The following SPAG8 variants were observed in gnomAD, a reference collection of about 807,000 sequenced individuals.
SPAG8 encodes sperm-associated antigen 8.
Under a neutral mutation model 45.3 loss-of-function variants are expected in SPAG8, and 36 were observed. The observed-to-expected ratio is 0.80, with a 90% CI of 0.61 to 1.05. SPAG8 has a LOEUF of 1.05. SPAG8 is among the 50% of genes least tolerant of loss of function. The pLI, the probability that SPAG8 is intolerant of heterozygous loss-of-function variation, is 0.00. For synonymous variants in SPAG8, 227 were observed against 232.6 expected, an observed-to-expected ratio of 0.98 and a Z score of 0.22; for missense variants, 573 against 609.2, an observed-to-expected ratio of 0.94 and a Z score of 0.63.
At chr9:35,808,134 G>T, downstream of SPAG8, 1 of 1,437,310 alleles carries the variant, frequency 7.0e-7, no homozygotes, top group South Asian at 1.1e-5. This position sits in a 1 kb window ranked among gnomAD's most constrained non-coding sequence, Gnocchi z 4.0. Context: ...CTGACAGTTT[G>T]GGCTGTCAGG....
Position 35,810,955 on chromosome 9 carries a change from A to C in SPAG8, c.967T>G (p.Ser323Ala), listed in dbSNP as rs750055138. ...TGGGTGGTGCTGGAGGGCATGGGTG[A>C]CTTTAGTTGCATAGTCAGCAGTCCC... ...HRGLLTMQLK[S>A]PMPSSTTQKD... Residue 323 changes from serine to alanine, a missense_variant, in exon 3 of 7, where the codon TCA (serine) becomes GCA (alanine). Transcript: ENST00000396638. The C allele has an allele frequency of 6.2e-7, 1 of 1,613,850 alleles. No homozygotes were observed. The highest frequency in any genetic ancestry group is 1.1e-5 in the South Asian group (1 of 91,044).
downstream of SPAG8, chr9:35,808,155 T>C (rs200049443): frequency 9.1e-5 from 146 of 1,596,592 alleles, no homozygotes; most frequent in Admixed American, 1.2e-4. This position sits in a 1 kb window ranked among gnomAD's most constrained non-coding sequence, Gnocchi z 4.0. Flanking sequence ...TCCATTTCAC[T>C]GGGCCTGCTT....
downstream of SPAG8, chr9:35,808,284 G>A (rs1828528535): frequency 6.2e-7 from 1 of 1,612,632 alleles, no homozygotes; most frequent in South Asian, 1.1e-5. The surrounding 1 kb of genome is among the most constrained non-coding windows in gnomAD (Gnocchi z 4.0). Context: ...TTCCGCAAAT[G>A]TTTACTGAGT....
downstream of SPAG8, chr9:35,807,948 T>C: frequency 1.8e-6 from 1 of 555,216 alleles, no homozygotes; most frequent in Non-Finnish European, 3.2e-6. Context: ...GTATGGAAAG[T>C]ACCTAACATT....
At position 35,811,528 on chromosome 9, in the gene SPAG8, G is replaced by A; in HGVS notation, c.518C>T (p.Ser173Phe). The A allele has an allele frequency of 4.4e-6, 7 of 1,606,122 alleles. No individual in the cohort carries two copies. Among genetic ancestry groups the A allele is most frequent in the Non-Finnish European group, 6.0e-6 (7 of 1,175,472 alleles). ...AGGACCAGAGCCAGGACCAGGACCA[G>A]AGCCAGAGCCAGGGACAGAGCCACA... is the stretch of plus-strand genomic sequence containing the variant. Reference protein sequence around the residue: ...PGCGSVPGSGSGPGPGSGPGS... With the variant: ...PGCGSVPGSGFGPGPGSGPGS... The change falls in exon 2 of 7, where the codon TCT becomes TTT. Residue 173 changes from serine (S) to phenylalanine (F), a missense_variant. Ser to Phe is a radical substitution (Grantham distance 155). Coordinates refer to ENST00000396638, the MANE Select transcript of SPAG8 (RefSeq NM_001039592.2).
At chr9:35,810,759 G>A in intron 3 of SPAG8, 77 bp from the exon 4 acceptor site, 1 of 1,605,926 alleles carries the variant, frequency 6.2e-7, no homozygotes, top group South Asian at 1.1e-5. Context: ...TTGAGAAAAG[G>A]AAGAAGAACC....
At chr9:35,808,341 A>G, downstream of SPAG8, 1 of 1,487,346 alleles carries the variant, frequency 6.7e-7, no homozygotes, top group Non-Finnish European at 9.4e-7. The surrounding 1 kb of genome is among the most constrained non-coding windows in gnomAD (Gnocchi z 4.0). Context: ...GATTCCCTAG[A>G]CATCTCCTCT....
At chr9:35,810,408 A>C (rs1397209935) in intron 5 of SPAG8, 31 bp downstream of exon 5, 2 of 1,576,228 alleles carry the variant, frequency 1.3e-6, no homozygotes, top group South Asian at 2.2e-5. Context: ...CAGCTGGTGC[A>C]AGTGGCGGGG....
At position 35,809,818 on chromosome 9, in the gene SPAG8, T is replaced by G. The variant is rs767964223; in HGVS notation, c.*120A>C. 99 of 1,546,688 alleles carry G rather than the reference T, an allele frequency of 6.4e-5. No homozygotes were observed. Among genetic ancestry groups the G allele is most frequent in the Non-Finnish European group, 8.4e-5 (97 of 1,155,608 alleles). On this transcript the variant is annotated 3_prime_UTR_variant, in exon 7 of 7. Transcript: ENST00000396638. This position sits in a 1 kb window ranked among gnomAD's most constrained non-coding sequence, Gnocchi z 4.1. ...AATCACTAAATTAGCAGTCTTGGGA[T>G]GAGAGAGAACCCTTTATGTAAAGCC... is the stretch of plus-strand genomic sequence containing the variant.
Position 35,811,316 on chromosome 9 carries a change from G to T in SPAG8, c.730C>A (p.Pro244Thr). ...HCPWEPQKQP[P>T]WEFLQVLEPG... ...TCTAAGACTTGCAAAAATTCCCAAGGTGGTTGTTTCTGGGGCTCCCAGGGG... is the reference window on the plus strand; with the variant it reads ...TCTAAGACTTGCAAAAATTCCCAAGTTGGTTGTTTCTGGGGCTCCCAGGGG... The change falls in exon 2 of 7, where the codon CCT becomes ACT. Residue 244 changes from proline to threonine, a missense_variant. Transcript: ENST00000396638. 4 of 1,614,174 alleles carry T rather than the reference G, an allele frequency of 2.5e-6. No individual in the cohort carries two copies. Among genetic ancestry groups the T allele is most frequent in the Non-Finnish European group, 3.4e-6 (4 of 1,180,022 alleles).
Position 35,811,492 on chromosome 9 carries a change from GGA to G in SPAG8, c.552_553del (p.Pro185TrpfsTer21). The G allele has an allele frequency of 1.0e-6, 1 of 989,892 alleles. No individual in the cohort carries two copies. The highest frequency in any genetic ancestry group is 1.3e-6 in the Non-Finnish European group (1 of 750,308). The allele number at this position is 989,892 out of a possible 1,614,324, so 61.3% of individuals were successfully genotyped here. A position where few individuals can be genotyped will look rare whatever the true frequency, so the allele number is the denominator to read the frequency against. On this transcript the variant is annotated frameshift_variant, in exon 2 of 7. Coordinates refer to ENST00000396638, the MANE Select transcript of SPAG8 (RefSeq NM_001039592.2). LOFTEE classifies it high-confidence loss of function. ...AGGATGAGAGCCAGAGCCATGACCAGGACCAGAGCCAGGACCAGAGCCAGGAC... is the reference window on the plus strand; with the variant it reads ...AGGATGAGAGCCAGAGCCATGACCAGCCAGAGCCAGGACCAGAGCCAGGAC...
At chr9:35,809,455 C>A (rs183710056), downstream of SPAG8, 12 of 1,614,200 alleles carry the variant, frequency 7.4e-6, no homozygotes, top group Admixed American at 1.7e-5. This position sits in a 1 kb window ranked among gnomAD's most constrained non-coding sequence, Gnocchi z 4.1. Context: ...AACCCCCATT[C>A]TTTCCAAGTC....
chr9:35,810,086 C>A lies in SPAG8; in HGVS notation c.1310G>T (p.Cys437Phe), dbSNP rs564214742. Residue 437 changes from cysteine (C) to phenylalanine (F), a missense_variant, in exon 7 of 7, where the codon TGC becomes TTC. Transcript: ENST00000396638. ...CAAGGGTACTGGTGTTGAGAAGCTG[C>A]AGTTCTTCCGGAATGGTGTGTCCAA... ...RTLDTPFRKN[C>F]SFSTPVPLSL... The A allele has an allele frequency of 6.2e-6, 10 of 1,612,802 alleles. No individual in the cohort carries two copies. In the South Asian group the frequency reaches 9.9e-5, roughly 16 times the overall value.
downstream of SPAG8, chr9:35,808,611 G>C: frequency 6.2e-7 from 1 of 1,614,204 alleles, no homozygotes; most frequent in Non-Finnish European, 8.5e-7. This position sits in a 1 kb window ranked among gnomAD's most constrained non-coding sequence, Gnocchi z 4.0. Context: ...AGCATTACTA[G>C]ATGCAGTTTC....
At chr9:35,808,636 G>C (rs145008570), downstream of SPAG8, 1 of 1,613,886 alleles carries the variant, frequency 6.2e-7, no homozygotes, top group East Asian at 2.2e-5. This position sits in a 1 kb window ranked among gnomAD's most constrained non-coding sequence, Gnocchi z 4.0. Context: ...TTTCGCATCC[G>C]CCACCGACCC....
In SPAG8 at chr9:35,811,837, G is replaced by A. The variant is rs753547578; in HGVS notation, c.209C>T (p.Ala70Val). The A allele has an allele frequency of 1.2e-6, 2 of 1,612,202 alleles. No homozygotes were observed. The highest frequency in any genetic ancestry group is 4.5e-5 in the East Asian group (2 of 44,786). Residue 70 changes from alanine to valine, a missense_variant, in exon 2 of 7, where the codon GCT becomes GTT. Transcript: ENST00000396638. ...ATAAFTTAKA[A>V]ALSTKTPAPC... Reference sequence around the variant, plus strand: ...CGCTGGGGTCTTTGTAGATAATGCAGCTGCTTTGGCAGTGGTGAAGGCTGC... The same window carrying A: ...CGCTGGGGTCTTTGTAGATAATGCAACTGCTTTGGCAGTGGTGAAGGCTGC...
Position 35,811,895 on chromosome 9 carries a change from C to T in SPAG8, c.151G>A (p.Ala51Thr), listed in dbSNP as rs13299619. Residue 51 changes from alanine (A) to threonine (T), a missense_variant, in exon 2 of 7, where the codon GCT becomes ACT. Coordinates refer to ENST00000396638, the MANE Select transcript of SPAG8 (RefSeq NM_001039592.2). ...GCAGCAGCTGATGCAGCCGCTGCAGCTGCTGCGGTTGCAGCTGCCAGGGCC... is the reference window on the plus strand; with the variant it reads ...GCAGCAGCTGATGCAGCCGCTGCAGTTGCTGCGGTTGCAGCTGCCAGGGCC... ...RSALAAATAAAAAAASAAAAT... is the reference protein window; with the variant it reads ...RSALAAATAATAAAASAAAAT... 1 of 1,610,086 alleles carries T rather than the reference C, an allele frequency of 6.2e-7. No homozygotes were observed. Among genetic ancestry groups the T allele is most frequent in the Admixed American group, 1.7e-5 (1 of 59,922 alleles).
Position 35,810,247 on chromosome 9 carries a change from C to T in SPAG8, c.1263G>A (p.Pro421=), listed in dbSNP as rs766319239. The T allele has an allele frequency of 3.2e-5, 52 of 1,614,004 alleles. No homozygotes were observed. In the Middle Eastern group the frequency reaches 4.9e-4, roughly 15 times the overall value. The part of the protein sequence containing the change: ...TFWIQRAPQL[P]GVSNIRTLDT... ...CCAACACCTAGTCACCCTCACACAC[C>T]GGCAGCTGTGGTGCCCTCTGTATCC... is the stretch of plus-strand genomic sequence containing the variant. Residue 421 remains proline (P), a splice_region_variant and synonymous_variant, in exon 6 of 7, where the codon CCG becomes CCA. Coordinates refer to ENST00000396638, the MANE Select transcript of SPAG8 (RefSeq NM_001039592.2).
Position 35,810,654 on chromosome 9 carries a change from G to A in SPAG8, c.1068C>T (p.Leu356=), listed in dbSNP as rs1010726684. The change falls in exon 4 of 7, where the codon CTC becomes CTT. Residue 356 remains leucine (L), a synonymous_variant. Transcript: ENST00000396638. ...TCCCTTACCAGATCTGATGCTGCAG[G>A]AGCATCTCCAGCATGGCTTCACGCT... ...RGKREAMLEM[L]LQHQICKEVQ... 3 of 1,613,942 alleles carry A rather than the reference G, an allele frequency of 1.9e-6. No individual in the cohort carries two copies. The highest frequency in any genetic ancestry group is 2.5e-6 in the Non-Finnish European group (3 of 1,180,024).
Sources: gnomAD v4.1 joint callset for allele counts on GRCh38, gnomAD v4.1.1 for gene constraint, Gnocchi (gnomAD v3.1) non-coding constraint, MANE v1.5 for transcripts, NCBI Gene and HGNC (gene_info 2026-07-23, HGNC 2026-07-21) for gene names.